The following CYP2J2 variants were observed in gnomAD, a reference collection of about 807,000 sequenced individuals.
CYP2J2 encodes cytochrome P450 2J2.
CYP2J2 carries 41 observed loss-of-function variants against 48.8 expected under a neutral mutation model. The observed-to-expected ratio is 0.84, with a 90% CI of 0.66 to 1.09. The LOEUF is 1.09. Ranked by LOEUF, CYP2J2 falls within the 50% of genes least tolerant of loss-of-function variation. CYP2J2 has a pLI of 0.00. For synonymous variants in CYP2J2, 221 were observed against 227.1 expected (o/e 0.97, Z 0.24); for missense variants, 644 against 617.3 (o/e 1.04, Z -0.46).
intron 1 of CYP2J2, among the ~76,000 whole-genome samples, chr1:59,924,300 T>C (rs1644544004): frequency 6.6e-6 from 1 of 152,148 alleles, no homozygotes; most frequent in African/African-American, 2.4e-5. Context: ...TAAAAGAATA[T>C]CTAAAGATAG....
At chr1:59,962,488 A>G in the CYP2J2 span, among the ~76,000 whole-genome samples, 2,167 of 152,298 alleles carry the variant, frequency 0.014, 62 homozygotes, top group African/African-American at 0.05. Context: ...TACCACTTAG[A>G]GTAGACTCTT....
chr1:59,902,350 GAATT>G, intron 7 of CYP2J2, among the ~76,000 whole-genome samples: 1 of 152,150 alleles, frequency 6.6e-6, no homozygotes, highest in South Asian at 2.1e-4. Flanking sequence ...AGTGTTTGTT[GAATT>G]CATTCAAATA....
the CYP2J2 span, among the ~76,000 whole-genome samples, chr1:59,964,984 G>A: frequency 2.0e-5 from 3 of 152,186 alleles, no homozygotes; most frequent in African/African-American, 4.8e-5. Context: ...AATGACATAT[G>A]AAAGATCACA....
At chr1:59,949,123 C>T in the CYP2J2 span, among the ~76,000 whole-genome samples, 1 of 152,260 alleles carries the variant, frequency 6.6e-6, no homozygotes, top group African/African-American at 2.4e-5. Context: ...GATCCAACTC[C>T]TCCTTCTACC....
chr1:59,948,449 C>A, the CYP2J2 span, among the ~76,000 whole-genome samples: 1 of 152,064 alleles, frequency 6.6e-6, no homozygotes, highest in Non-Finnish European at 1.5e-5. Flanking sequence ...ATTTATAAAT[C>A]ATATAACTGT....
chr1:59,964,673 A>G, the CYP2J2 span, among the ~76,000 whole-genome samples: 4 of 152,360 alleles, frequency 2.6e-5, no homozygotes, highest in African/African-American at 7.2e-5. Flanking sequence ...GGTAAATTCC[A>G]TATGATAAGC....
At chr1:59,923,418 A>C (rs1330509736) in intron 1 of CYP2J2, among the ~76,000 whole-genome samples, 1 of 152,230 alleles carries the variant, frequency 6.6e-6, no homozygotes, top group Non-Finnish European at 1.5e-5. Context: ...TATAGTCCAT[A>C]ATTACTCACC....
Position 59,926,697 on chromosome 1 carries a change from T to C in CYP2J2, c.50A>G (p.His17Arg), listed in dbSNP as rs764068656. Residue 17 changes from histidine (H) to arginine (R), a missense_variant, in exon 1 of 9, where the codon CAT (histidine) becomes CGT (arginine). By Grantham distance (29) the His-to-Arg change is conservative. Transcript: ENST00000371204. ...SLAAALWAVVHPRTLLLGTVA... is the reference protein window; with the variant it reads ...SLAAALWAVVRPRTLLLGTVA... ...AGTGCCCAGTAGGAGAGTCCGAGGA[T>C]GGACCACTGCCCAGAGGGCAGCCGC... 2 of 1,613,878 alleles carry C rather than the reference T, an allele frequency of 1.2e-6. No homozygotes were observed. Among genetic ancestry groups the C allele is most frequent in the African/African-American group, 1.3e-5 (1 of 74,930 alleles).
rs560928128 is a variant in CYP2J2, at chr1:59,908,365, T to C, written c.862-438A>G. ...CCTCTTAAGAGGGCATTATGAATTA[T>C]ATGAATGCAAGGACGCAGAGCAAAT... On this transcript the variant is annotated intron_variant, in intron 5 of 8. Coordinates refer to ENST00000371204, the MANE Select transcript of CYP2J2 (RefSeq NM_000775.4). Among the ~76,000 whole-genome samples, 10 of 152,332 alleles carry C rather than the reference T, an allele frequency of 6.6e-5. No homozygotes were observed. The South Asian group carries it at 2.1e-3, about 32-fold the overall frequency.
chr1:59,942,580 G>A, the CYP2J2 span, among the ~76,000 whole-genome samples: 1,199 of 152,222 alleles, frequency 7.9e-3, 16 homozygotes, highest in African/African-American at 0.027. Flanking sequence ...TTTTAATCAA[G>A]GAGTGACATG....
chr1:59,926,480 T>C (rs1358627648), intron 1 of CYP2J2, 57 bp downstream of exon 1: 3 of 1,485,520 alleles, frequency 2.0e-6, no homozygotes, highest in Non-Finnish European at 1.9e-6. Context: ...GAACGTCCCT[T>C]GTGCTGCAGA....
chr1:59,945,762 G>A, the CYP2J2 span, among the ~76,000 whole-genome samples: 1 of 152,084 alleles, frequency 6.6e-6, no homozygotes. Context: ...TCCTCTCTCT[G>A]TCTTCTACAT....
chr1:59,914,548 T>G (rs1412470707), intron 2 of CYP2J2, among the ~76,000 whole-genome samples: 1 of 152,190 alleles, frequency 6.6e-6, no homozygotes, highest in East Asian at 1.9e-4. Flanking sequence ...GAATCAATGT[T>G]TAAGGGATCT....
At chr1:59,962,119 G>A in the CYP2J2 span, among the ~76,000 whole-genome samples, 1 of 152,230 alleles carries the variant, frequency 6.6e-6, no homozygotes, top group East Asian at 1.9e-4. Context: ...TTTATGGTAT[G>A]TAGATATCTC....
chr1:59,904,765 T>A (rs79696909), intron 7 of CYP2J2, 106 bp downstream of exon 7: 528 of 937,664 alleles, frequency 5.6e-4, no homozygotes, highest in Non-Finnish European at 8.0e-4. Context: ...GTATAAGATA[T>A]CTTTTTCTTC....
At chr1:59,915,880 A>C (rs1644460138) in intron 2 of CYP2J2, 58 bp downstream of exon 2, 2 of 1,519,642 alleles carry the variant, frequency 1.3e-6, no homozygotes, top group Non-Finnish European at 8.9e-7. Context: ...AGGTGCCTTT[A>C]ACAGATTATA....
chr1:59,950,565 T>C, the CYP2J2 span, among the ~76,000 whole-genome samples: 1 of 152,182 alleles, frequency 6.6e-6, no homozygotes, highest in South Asian at 2.1e-4. Flanking sequence ...AGTAATGAGG[T>C]AGTGAACAAA....
intron 1 of CYP2J2, among the ~76,000 whole-genome samples, chr1:59,924,673 AC>A (rs1380729519): frequency 1.3e-5 from 2 of 152,116 alleles, no homozygotes; most frequent in Non-Finnish European, 2.9e-5. Flanking sequence ...CTGCTAAAAA[AC>A]ACCTCAGATA....
In CYP2J2 at chr1:59,912,322, G is replaced by T. The variant is rs947925533; in HGVS notation, c.374-11C>A. ...TTGACATAATCAATCCTGGGAAAAA[G>T]AAAGTCAACATTACAGTATTCTGAT... is the stretch of plus-strand genomic sequence containing the variant. On this transcript the variant is annotated splice_polypyrimidine_tract_variant and intron_variant, in intron 2 of 8. Transcript: ENST00000371204. 1 of 1,608,926 alleles carries T rather than the reference G, an allele frequency of 6.2e-7. No homozygotes were observed. Among genetic ancestry groups the T allele is most frequent in the African/African-American group, 1.3e-5 (1 of 74,580 alleles).
Sources: allele counts gnomAD v4.1 joint callset (sites outside exome capture counted in the v4.1 genomes callset), GRCh38; gene constraint gnomAD v4.1.1; transcripts MANE v1.5; gene names NCBI Gene and HGNC (gene_info 2026-07-23, HGNC 2026-07-21).